The following GABRA6 variants were observed in gnomAD, a reference collection of about 807,000 sequenced individuals.
GABRA6 encodes gamma-aminobutyric acid type A receptor subunit alpha6.
Under a neutral mutation model 47.3 loss-of-function variants are expected in GABRA6, and 45 were observed. That is an observed-to-expected ratio of 0.95 (90% CI 0.75 to 1.22). The LOEUF (loss-of-function observed/expected upper bound fraction) is 1.22. Ranked by LOEUF, GABRA6 falls within the 50% of genes most tolerant of loss-of-function variation. The pLI, the probability that GABRA6 is intolerant of heterozygous loss-of-function variation, is 0.00. For synonymous variants in GABRA6, 219 were observed against 194.7 expected, an observed-to-expected ratio of 1.12 and a Z score of -1.04; for missense variants, 583 against 549.3, an observed-to-expected ratio of 1.06 and a Z score of -0.61.
rs758457278 is a variant in GABRA6, at chr5:161,689,175, G to A, written c.446+6G>A. 1 of 1,613,104 alleles carries A rather than the reference G, an allele frequency of 6.2e-7. No homozygotes were observed. The highest frequency in any genetic ancestry group is 2.2e-5 in the East Asian group (1 of 44,854). On this transcript the variant is annotated splice_donor_region_variant and intron_variant, in intron 4 of 8. Transcript: ENST00000274545. ...ACCATTTTATACACCATGAGGTGAG[G>A]TTTCTCCAATTCTATTTCCCCTGCC...
intron 8 of GABRA6, among the ~76,000 whole-genome samples, chr5:161,696,248 G>A (rs765008566): frequency 6.6e-6 from 1 of 152,120 alleles, no homozygotes; most frequent in Non-Finnish European, 1.5e-5. Flanking sequence ...TTTTAAGGTG[G>A]TAAGGTGCAC....
intron 7 of GABRA6, among the ~76,000 whole-genome samples, chr5:161,690,948 T>C (rs1480051623): frequency 1.3e-5 from 2 of 152,158 alleles, no homozygotes; most frequent in Admixed American, 6.5e-5. Flanking sequence ...CTGAATTGAA[T>C]AGAAATCATA....
Position 161,689,723 on chromosome 5 carries a change from T to C in GABRA6, c.617T>C (p.Leu206Pro). 2 of 1,613,048 alleles carry C rather than the reference T, an allele frequency of 1.2e-6. No individual in the cohort carries two copies. The highest frequency in any genetic ancestry group is 1.7e-6 in the Non-Finnish European group (2 of 1,179,062). The part of the protein sequence containing the change: ...VEVPEESSSL[L>P]QYDLIGQTVS... ...GTCCCAGAAGAATCTTCAAGCCTTC[T>C]CCAGTATGATCTGATTGGACAAACA... The change falls in exon 6 of 9, where the codon CTC (leucine) becomes CCC (proline). Residue 206 changes from leucine to proline, a missense_variant. By Grantham distance (98) the Leu-to-Pro change is moderately conservative. Transcript: ENST00000274545.
intron 8 of GABRA6, among the ~76,000 whole-genome samples, chr5:161,694,498 G>A (rs1038879056): frequency 2.6e-5 from 4 of 151,898 alleles, no homozygotes; most frequent in African/African-American, 9.7e-5. Flanking sequence ...TTATTTTAAA[G>A]ATATAATTTA....
chr5:161,688,984 G>T lies in GABRA6; in HGVS notation c.261G>T (p.Trp87Cys). 1.2e-6 allele frequency: 2 copies of T among 1,613,914 alleles called. No homozygotes were observed. The highest frequency in any genetic ancestry group is 1.7e-6 in the Non-Finnish European group (2 of 1,179,914). ...YTMDVFFRQTWTDERLKFGGP... is the reference protein window; with the variant it reads ...YTMDVFFRQTCTDERLKFGGP... ...TGGATGTTTTTTTCCGCCAGACCTGGACTGATGAGAGGTTGAAGTTTGGGG... is the reference window on the plus strand; with the variant it reads ...TGGATGTTTTTTTCCGCCAGACCTGTACTGATGAGAGGTTGAAGTTTGGGG... Residue 87 changes from tryptophan (W) to cysteine (C), a missense_variant, in exon 4 of 9, where the codon TGG becomes TGT. Coordinates refer to ENST00000274545, the MANE Select transcript of GABRA6 (RefSeq NM_000811.3).
intron 8 of GABRA6, among the ~76,000 whole-genome samples, chr5:161,697,874 G>T (rs1365553131): frequency 6.6e-6 from 1 of 152,110 alleles, no homozygotes. Context: ...TTAAGCCTAC[G>T]TTTGCTCATC....
At position 161,686,948 on chromosome 5, in the gene GABRA6, A is replaced by T; in HGVS notation, c.170A>T (p.Glu57Val). ...GGGCTAATTTCAGGTGCTGTCACTG[A>T]AGTCAAAACAGACATTTATGTGACC... ...LRPGFGGAVTEVKTDIYVTSF... is the reference protein window; with the variant it reads ...LRPGFGGAVTVVKTDIYVTSF... The change falls in exon 3 of 9, where the codon GAA (glutamate) becomes GTA (valine). Residue 57 changes from glutamate to valine, a missense_variant. Coordinates refer to ENST00000274545, the MANE Select transcript of GABRA6 (RefSeq NM_000811.3). 6.2e-7 allele frequency: 1 copy of T among 1,614,004 alleles called. No homozygotes were observed. Among genetic ancestry groups the T allele is most frequent in the Non-Finnish European group, 8.5e-7 (1 of 1,179,888 alleles).
Position 161,691,988 on chromosome 5 carries a change from C to T in GABRA6, c.874C>T (p.His292Tyr), listed in dbSNP as rs771050284. ...TMTTLSISARHSLPKVSYATA... is the reference protein window; with the variant it reads ...TMTTLSISARYSLPKVSYATA... ...GACCACTTTGAGCATCAGTGCCCGG[C>T]ACTCTTTGCCAAAAGTGTCATATGC... The change falls in exon 8 of 9, where the codon CAC (histidine) becomes TAC (tyrosine). Residue 292 changes from histidine to tyrosine, a missense_variant. Physicochemically the swap from His to Tyr is moderately conservative, Grantham distance 83. Transcript: ENST00000274545. 6.2e-7 allele frequency: 1 copy of T among 1,613,790 alleles called. No individual in the cohort carries two copies. Among genetic ancestry groups the T allele is most frequent in the Non-Finnish European group, 8.5e-7 (1 of 1,179,802 alleles).
rs113246605 is a variant in GABRA6, at chr5:161,693,992, C to T, written c.1086+1792C>T. Reference sequence around the variant, plus strand: ...TTGAGTCCCAAAATTCTTCCTTTGACTTAATAATATATTCTTTATGTATCT... The same window carrying T: ...TTGAGTCCCAAAATTCTTCCTTTGATTTAATAATATATTCTTTATGTATCT... On this transcript the variant is annotated intron_variant, in intron 8 of 8. Transcript: ENST00000274545. Among the ~76,000 whole-genome samples, 38 of 152,156 alleles carry T rather than the reference C, an allele frequency of 2.5e-4. 1 individual carries two copies. The highest frequency in any genetic ancestry group is 9.1e-4 in the African/African-American group (38 of 41,546).
At chr5:161,687,538 A>C (rs1300768997) in intron 3 of GABRA6, 2 of 456,134 alleles carry the variant, frequency 4.4e-6, no homozygotes, top group Admixed American at 4.7e-5. Flanking sequence ...AGATGGCTGT[A>C]GCATTCATAA....
At position 161,690,610 on chromosome 5, in the gene GABRA6, T is replaced by A. The variant is rs139307596; in HGVS notation, c.826+257T>A. On this transcript the variant is annotated intron_variant, in intron 7 of 8. Transcript: ENST00000274545. The stretch of plus-strand genomic sequence containing the variant: ...CATGTGTCCTATTTGCAGTGCTTTA[T>A]CTTGATTTTCTTTGTCATAACTGAG... Among the ~76,000 whole-genome samples the A allele has an allele frequency of 1.1e-3, 172 of 152,312 alleles. 1 individual carries two copies. Among genetic ancestry groups the A allele is most frequent in the African/African-American group, 4.0e-3 (165 of 41,584 alleles).
Position 161,686,316 on chromosome 5 carries a change from G to T in GABRA6, c.125G>T (p.Gly42Val), listed in dbSNP as rs368424653. Residue 42 changes from glycine to valine, a missense_variant, in exon 2 of 9, where the codon GGC becomes GTC. Coordinates refer to ENST00000274545, the MANE Select transcript of GABRA6 (RefSeq NM_000811.3). ...CGGATCCTGGACAACTTGCTTGAAGGCTATGACAATCGGCTGCGGCCGGGA... is the reference window on the plus strand; with the variant it reads ...CGGATCCTGGACAACTTGCTTGAAGTCTATGACAATCGGCTGCGGCCGGGA... ...VSRILDNLLEGYDNRLRPGFG... is the reference protein window; with the variant it reads ...VSRILDNLLEVYDNRLRPGFG... The T allele has an allele frequency of 6.2e-7, 1 of 1,614,044 alleles. No individual in the cohort carries two copies. The highest frequency in any genetic ancestry group is 8.5e-7 in the Non-Finnish European group (1 of 1,179,904).
At chr5:161,694,548 A>G (rs1754855870) in intron 8 of GABRA6, among the ~76,000 whole-genome samples, 2 of 152,092 alleles carry the variant, frequency 1.3e-5, no homozygotes, top group South Asian at 4.1e-4. Flanking sequence ...GTTTTGATAT[A>G]AACTGTCTCC....
intron 7 of GABRA6, among the ~76,000 whole-genome samples, 182 bp downstream of exon 7, chr5:161,690,535 CA>C (rs1488196362): frequency 6.6e-6 from 1 of 151,780 alleles, no homozygotes; most frequent in Non-Finnish European, 1.5e-5. Flanking sequence ...TGTGATGAAT[CA>C]AAAAAAATTT....
intron 8 of GABRA6, 52 bp from the exon 9 acceptor site, chr5:161,701,446 T>G (rs1581126130): frequency 1.9e-6 from 3 of 1,574,640 alleles, no homozygotes. Flanking sequence ...AATAAGCAAT[T>G]AAGCAATATC....
chr5:161,686,253 T>G lies in GABRA6; in HGVS notation c.62T>G (p.Leu21Arg). ...ILWLENALGK[L>R]EVEGNFYSEN... ...AGGCTAGAAAATGCCCTAGGGAAAC[T>G]CGAAGTTGAAGGCAACTTCTACTCA... Residue 21 changes from leucine (L) to arginine (R), a missense_variant, in exon 2 of 9, where the codon CTC becomes CGC. Coordinates refer to ENST00000274545, the MANE Select transcript of GABRA6 (RefSeq NM_000811.3). The G allele has an allele frequency of 1.2e-6, 2 of 1,613,940 alleles. No homozygotes were observed. The highest frequency in any genetic ancestry group is 1.7e-6 in the Non-Finnish European group (2 of 1,179,806).
intron 7 of GABRA6, among the ~76,000 whole-genome samples, chr5:161,690,763 A>G (rs896671297): frequency 6.6e-6 from 1 of 152,154 alleles, no homozygotes; most frequent in Non-Finnish European, 1.5e-5. Flanking sequence ...CATTTCGTCA[A>G]TTTTTTATGA....
intron 7 of GABRA6, 70 bp from the exon 8 acceptor site, chr5:161,691,871 A>C: frequency 2.1e-6 from 3 of 1,411,826 alleles, no homozygotes; most frequent in Non-Finnish European, 3.0e-6. Flanking sequence ...CTCCTCTGAC[A>C]CATTCTCATT....
chr5:161,696,690 C>A (rs770508518), intron 8 of GABRA6, among the ~76,000 whole-genome samples: 1 of 152,036 alleles, frequency 6.6e-6, no homozygotes, highest in Non-Finnish European at 1.5e-5. Context: ...ATATTGCTGC[C>A]AATAAGCTGT....
Sources: gnomAD v4.1 joint callset for allele counts (sites outside exome capture counted in the v4.1 genomes callset) on GRCh38, gnomAD v4.1.1 for gene constraint, MANE v1.5 for transcripts, NCBI Gene and HGNC (gene_info 2026-07-23, HGNC 2026-07-21) for gene names.